Variants in TTI1 observed in about 807,000 individuals in gnomAD.
TTI1 encodes the protein TELO2 interacting protein 1, also known as TELO2-interacting protein 1 homolog.
Under a neutral mutation model 85.4 loss-of-function variants are expected in TTI1, and 52 were observed. The observed-to-expected ratio is 0.61, with a 90% CI of 0.49 to 0.77. The LOEUF (loss-of-function observed/expected upper bound fraction) is 0.77, where lower values mean the gene tolerates loss of function less well. Among genes scored for constraint, TTI1 ranks in the 30% least tolerant of loss-of-function variants. The pLI is 0.00. For synonymous variants in TTI1, 512 were observed against 503.9 expected (o/e 1.02, Z -0.22); for missense variants, 1,173 against 1,296.0 (o/e 0.91, Z 1.46).
chr20:38,013,769 T>G lies in TTI1; in HGVS notation c.48A>C (p.Pro16=). ...GGGTCTTTGTGAGCTGAACACAGACTGGACGTAAGACACCAAAGGCCTCCT... is the reference window on the plus strand; with the variant it reads ...GGGTCTTTGTGAGCTGAACACAGACGGGACGTAAGACACCAAAGGCCTCCT... The part of the protein sequence containing the change: ...TPEEAFGVLR[P]VCVQLTKTQT... The change falls in exon 2 of 8, where the codon CCA becomes CCC. Residue 16 remains proline (P), a synonymous_variant. Transcript: ENST00000373447. 2 of 1,614,120 alleles carry G rather than the reference T, an allele frequency of 1.2e-6. No homozygotes were observed. The highest frequency in any genetic ancestry group is 1.7e-6 in the Non-Finnish European group (2 of 1,180,040).
chr20:38,032,219 T>C (rs2073919821), intron 1 of TTI1, among the ~76,000 whole-genome samples: 1 of 152,222 alleles, frequency 6.6e-6, no homozygotes, highest in Non-Finnish European at 1.5e-5. Context: ...CCTCACAGCT[T>C]TGTTGTGAGG....
chr20:38,024,659 C>T (rs941586388), intron 1 of TTI1, among the ~76,000 whole-genome samples: 2 of 152,190 alleles, frequency 1.3e-5, no homozygotes, highest in Non-Finnish European at 2.9e-5. Flanking sequence ...CCAAACACTA[C>T]AGAAAATAAG....
Position 38,013,092 on chromosome 20 carries a change from G to A in TTI1, c.725C>T (p.Thr242Ile). The A allele has an allele frequency of 6.2e-7, 1 of 1,614,148 alleles. No homozygotes were observed. The highest frequency in any genetic ancestry group is 1.3e-5 in the African/African-American group (1 of 75,034). The change falls in exon 2 of 8, where the codon ACA (threonine) becomes ATA (isoleucine). Residue 242 changes from threonine (T) to isoleucine (I), a missense_variant. Thr to Ile is a moderately conservative substitution (Grantham distance 89). Transcript: ENST00000373447. ...TTCATCAGCCATAATGAAGCTCACT[G>A]TCTTGTAAAAGATCTTTAGGGAAGA... ...VVSSLKIFYK[T>I]VSFIMADEQL...
intron 7 of TTI1, among the ~76,000 whole-genome samples, chr20:37,995,177 C>G (rs541229245): frequency 6.6e-6 from 1 of 152,052 alleles, no homozygotes; most frequent in South Asian, 2.1e-4. Flanking sequence ...GCTTAGGATG[C>G]GCCCCTGTGC....
intron 3 of TTI1, among the ~76,000 whole-genome samples, chr20:38,005,240 C>A (rs991322157): frequency 2.0e-5 from 3 of 152,130 alleles, no homozygotes; most frequent in South Asian, 2.1e-4. Flanking sequence ...GGACTCGGTT[C>A]GATTTAGGAT....
chr20:38,018,628 CAGACATCAT>C (rs898867496), intron 1 of TTI1, among the ~76,000 whole-genome samples: 1 of 152,104 alleles, frequency 6.6e-6, no homozygotes, highest in African/African-American at 2.4e-5. Flanking sequence ...AAAGAACACA[CAGACATCAT>C]AGTCAAACTG....
intron 3 of TTI1, 60 bp downstream of exon 3, chr20:38,006,137 A>AT: frequency 1.3e-6 from 2 of 1,591,716 alleles, no homozygotes; most frequent in East Asian, 4.5e-5. Flanking sequence ...ATGTTTCACC[A>AT]TTTTTACAAT....
chr20:37,991,440 C>T (rs932206511), intron 7 of TTI1, among the ~76,000 whole-genome samples: 1 of 152,186 alleles, frequency 6.6e-6, no homozygotes, highest in African/African-American at 2.4e-5. Flanking sequence ...AATGAATGAG[C>T]CTGTGCCGGT....
intron 1 of TTI1, among the ~76,000 whole-genome samples, chr20:38,021,144 T>C (rs1255052507): frequency 6.6e-6 from 1 of 152,212 alleles, no homozygotes; most frequent in African/African-American, 2.4e-5. Context: ...TTCTATGAAA[T>C]ACTATACAGA....
At chr20:38,002,198 G>A (rs1005038912) in intron 4 of TTI1, among the ~76,000 whole-genome samples, 16 of 152,230 alleles carry the variant, frequency 1.1e-4, no homozygotes, top group Admixed American at 9.2e-4. Flanking sequence ...GTGCTGCTTG[G>A]CAAACTGCCA....
chr20:37,987,900 G>A (rs901141610), intron 7 of TTI1, among the ~76,000 whole-genome samples: 1 of 152,226 alleles, frequency 6.6e-6, no homozygotes, highest in Non-Finnish European at 1.5e-5. Context: ...CTTCCTTCGT[G>A]ATCAGTATGG....
At chr20:38,005,358 G>A (rs1313677932) in intron 3 of TTI1, among the ~76,000 whole-genome samples, 1 of 152,112 alleles carries the variant, frequency 6.6e-6, no homozygotes, top group Non-Finnish European at 1.5e-5. Context: ...TTGAGCTTGT[G>A]AATAAAACAA....
At chr20:37,996,682 G>C in intron 6 of TTI1, 67 bp downstream of exon 6, 1 of 1,539,456 alleles carries the variant, frequency 6.5e-7, no homozygotes. Flanking sequence ...ACTGAGCAGA[G>C]GGCATGATGG....
intron 7 of TTI1, among the ~76,000 whole-genome samples, chr20:37,993,411 T>C (rs1201885678): frequency 6.6e-6 from 1 of 152,026 alleles, no homozygotes; most frequent in Non-Finnish European, 1.5e-5. Context: ...ATATGGCAAA[T>C]TAAAAAAGCA....
At chr20:38,016,892 G>A (rs1436510926) in intron 1 of TTI1, among the ~76,000 whole-genome samples, 1 of 152,212 alleles carries the variant, frequency 6.6e-6, no homozygotes, top group Non-Finnish European at 1.5e-5. Context: ...CTATACCTAA[G>A]CATTACCATG....
chr20:38,019,278 T>A (rs1055469804), intron 1 of TTI1: 10 of 151,730 alleles, frequency 6.6e-5, no homozygotes, highest in African/African-American at 2.2e-4. Context: ...AGCATGGAAC[T>A]ATAAGAGGGA....
At chr20:38,026,386 T>C (rs2073837000) in intron 1 of TTI1, among the ~76,000 whole-genome samples, 1 of 152,168 alleles carries the variant, frequency 6.6e-6, no homozygotes, top group Non-Finnish European at 1.5e-5. Context: ...CTCAAACTCC[T>C]GGCCTCAAGT....
intron 3 of TTI1, among the ~76,000 whole-genome samples, chr20:38,003,494 A>AT (rs2073454103): frequency 6.6e-6 from 1 of 152,154 alleles, no homozygotes; most frequent in South Asian, 2.1e-4. Context: ...AATATTTAAG[A>AT]TAAAAACAAG....
intron 7 of TTI1, among the ~76,000 whole-genome samples, chr20:37,990,900 C>T (rs2073255413): frequency 6.6e-6 from 1 of 152,190 alleles, no homozygotes; most frequent in South Asian, 2.1e-4. Context: ...AGTGACATGA[C>T]AACACCAAGG....
Sources: gnomAD v4.1 joint callset for allele counts (sites outside exome capture counted in the v4.1 genomes callset) on GRCh38, gnomAD v4.1.1 for gene constraint, MANE v1.5 for transcripts, NCBI Gene and HGNC (gene_info 2026-07-23, HGNC 2026-07-21) for gene names.